ACBD7: variants seen among roughly 807,000 people sequenced by gnomAD.
ACBD7 encodes the protein acyl-CoA binding domain containing 7.
Under a neutral mutation model 13.7 loss-of-function variants are expected in ACBD7, and 11 were observed. That is an observed-to-expected ratio of 0.80 (90% CI 0.50 to 1.33). The LOEUF is 1.33. ACBD7 is among the 40% of genes most tolerant of loss of function. The probability of loss-of-function intolerance (pLI) is 0.00; values close to 1 mark genes in which losing one functional copy is unlikely to be tolerated. For synonymous variants in ACBD7, 43 were observed against 37.7 expected (o/e 1.14, Z -0.51); for missense variants, 111 against 103.0 (o/e 1.08, Z -0.33).
chr10:15,076,833 T>A lies in ACBD7; in HGVS notation c.*1697A>T. On this transcript the variant is annotated 3_prime_UTR_variant, in exon 4 of 4. Coordinates refer to ENST00000356189, the MANE Select transcript of ACBD7 (RefSeq NM_001039844.3). ...ATTGATTCTTAATAACCTGTTTTTA[T>A]TTCACCAGTAACATTAACTTATTGT... The A allele has an allele frequency of 1.0e-6, 1 of 985,388 alleles. No individual in the cohort carries two copies. The highest frequency in any genetic ancestry group is 1.2e-6 in the Non-Finnish European group (1 of 829,938). The allele number at this position is 985,388 out of a possible 1,614,324, so 61.0% of individuals were successfully genotyped here.
intron 1 of ACBD7, among the ~76,000 whole-genome samples, chr10:15,083,550 C>G (rs797003981): frequency 2.0e-5 from 3 of 152,190 alleles, no homozygotes; most frequent in Non-Finnish European, 4.4e-5. Context: ...GGCACAATCA[C>G]GGCTCACTGC....
intron 1 of ACBD7, among the ~76,000 whole-genome samples, chr10:15,079,483 C>G (rs1844724450): frequency 6.6e-6 from 1 of 151,806 alleles, no homozygotes; most frequent in African/African-American, 2.4e-5. Context: ...TCATGTTGGC[C>G]AGGCTTGTCT....
chr10:15,082,008 C>T (rs1295811150), intron 1 of ACBD7, among the ~76,000 whole-genome samples: 1 of 152,172 alleles, frequency 6.6e-6, no homozygotes, highest in Admixed American at 6.5e-5. Context: ...TGTGACCAGG[C>T]TGGGCGCAGT....
At chr10:15,080,717 G>A (rs1589260219) in intron 1 of ACBD7, among the ~76,000 whole-genome samples, 1 of 152,172 alleles carries the variant, frequency 6.6e-6, no homozygotes, top group Non-Finnish European at 1.5e-5. Flanking sequence ...AATAGACAAG[G>A]AAGTCCAGTC....
At chr10:15,088,435 G>T (rs1844833809) in intron 1 of ACBD7, 1 of 507,162 alleles carries the variant, frequency 2.0e-6, no homozygotes, top group African/African-American at 2.0e-5. Context: ...CTCGGAGACG[G>T]AGAGGAGGAG....
At chr10:15,079,101 A>G (rs2131392779) in intron 1 of ACBD7, 61 bp from the exon 2 acceptor site, 4 of 1,090,608 alleles carry the variant, frequency 3.7e-6, no homozygotes, top group Non-Finnish European at 5.4e-6. Flanking sequence ...ATAGGAACTC[A>G]AAGAGCAGGA....
At position 15,077,184 on chromosome 10, in the gene ACBD7, C is replaced by T. The variant is rs1844691761; in HGVS notation, c.*1346G>A. Among the ~76,000 whole-genome samples, 1 of 152,110 alleles carries T rather than the reference C, an allele frequency of 6.6e-6. No homozygotes were observed. Among genetic ancestry groups the T allele is most frequent in the Non-Finnish European group, 1.5e-5 (1 of 68,020 alleles). ...ACAAGAGCAAAGATATGGAATCAAC[C>T]TAAGTATCCATCAGCAGATGATGGG... On this transcript the variant is annotated 3_prime_UTR_variant, in exon 4 of 4. Coordinates refer to ENST00000356189, the MANE Select transcript of ACBD7 (RefSeq NM_001039844.3).
At chr10:15,081,473 C>T (rs368768803) in intron 1 of ACBD7, among the ~76,000 whole-genome samples, 1 of 152,162 alleles carries the variant, frequency 6.6e-6, no homozygotes, top group African/African-American at 2.4e-5. Flanking sequence ...GATCTCAGCC[C>T]TTAGTTATAT....
At position 15,076,257 on chromosome 10, in the gene ACBD7, G is replaced by T. The variant is rs60610918; in HGVS notation, c.*2273C>A. 5.0e-3 allele frequency: 4,949 copies of T among 985,248 alleles called. 187 individuals carry two copies. The African/African-American group carries it at 0.079, about 16-fold the overall frequency. 61.0% of individuals were successfully genotyped at this position (985,248 alleles called of 1,614,324 possible). On this transcript the variant is annotated 3_prime_UTR_variant, in exon 4 of 4. Transcript: ENST00000356189. ...TTTTTTGAATTGTTAACATGAGACT[G>T]TCTTCTTTCAAAGAGCCTGTGTACC...
intron 1 of ACBD7, among the ~76,000 whole-genome samples, chr10:15,081,707 G>C (rs1297833441): frequency 6.6e-6 from 1 of 152,184 alleles, no homozygotes; most frequent in Non-Finnish European, 1.5e-5. Context: ...CGGGCTCTCA[G>C]CTTGGTCCAC....
At chr10:15,087,780 A>T (rs911357496) in intron 1 of ACBD7, among the ~76,000 whole-genome samples, 23 of 149,964 alleles carry the variant, frequency 1.5e-4, no homozygotes, top group Non-Finnish European at 7.4e-5. Context: ...TCCATCTCAA[A>T]CAGCCTGGGT....
In ACBD7 at chr10:15,076,949, AGATGTGGAGAAAAGG is replaced by A. The variant is rs1293535141; in HGVS notation, c.*1566_*1580del. ...ACTTTCTAAAAAGTCAAAAAACAAC[AGATGTGGAGAAAAGG>A]GAATGCTTATACACTATTGGTGGGA... On this transcript the variant is annotated 3_prime_UTR_variant, in exon 4 of 4. Coordinates refer to ENST00000356189, the MANE Select transcript of ACBD7 (RefSeq NM_001039844.3). 1.0e-5 allele frequency: 10 copies of A among 983,746 alleles called. No homozygotes were observed. In the African/African-American group the frequency reaches 1.6e-4, roughly 15 times the overall value. 60.9% of individuals were successfully genotyped at this position (983,746 alleles called of 1,614,324 possible).
chr10:15,087,795 G>A (rs1162481079), intron 1 of ACBD7, among the ~76,000 whole-genome samples: 5 of 145,346 alleles, frequency 3.4e-5, no homozygotes, highest in African/African-American at 5.1e-5. Context: ...CTGGGTGACA[G>A]AATGAGACTC....
chr10:15,085,135 T>A (rs1203811511), intron 1 of ACBD7, among the ~76,000 whole-genome samples: 1 of 152,168 alleles, frequency 6.6e-6, no homozygotes, highest in Non-Finnish European at 1.5e-5. Flanking sequence ...GGCATCCTGG[T>A]TGAATGTTTT....
chr10:15,088,516 G>A, intron 1 of ACBD7: 2 of 705,004 alleles, frequency 2.8e-6, no homozygotes, highest in Non-Finnish European at 4.3e-6. Context: ...GGGTCCGGAA[G>A]GGTTGCCCTG....
intron 1 of ACBD7, among the ~76,000 whole-genome samples, chr10:15,087,971 C>A (rs1301475819): frequency 6.6e-6 from 1 of 151,968 alleles, no homozygotes; most frequent in Non-Finnish European, 1.5e-5. Flanking sequence ...ACCAACTGCG[C>A]CTCAACCTGG....
intron 1 of ACBD7, among the ~76,000 whole-genome samples, chr10:15,085,987 T>C (rs1201114954): frequency 6.6e-6 from 1 of 152,182 alleles, no homozygotes; most frequent in African/African-American, 2.4e-5. Flanking sequence ...TTTCAATATG[T>C]CAGCCAGTTA....
intron 1 of ACBD7, among the ~76,000 whole-genome samples, chr10:15,084,685 A>AAGTT (rs1259168854): frequency 6.6e-6 from 1 of 152,206 alleles, no homozygotes; most frequent in Admixed American, 6.5e-5. Flanking sequence ...TCAGAGGCTG[A>AAGTT]AGTTACAAAG....
In ACBD7 at chr10:15,083,762, C is replaced by A. The variant is rs922412463; in HGVS notation, c.13-4722G>T. On this transcript the variant is annotated intron_variant, in intron 1 of 3. Transcript: ENST00000356189. Reference sequence around the variant, plus strand: ...CTTCCCAAAGTGCTGGGATTACAGGCGTGAGCCACGATGCCCGGCCAAGAA... The same window carrying A: ...CTTCCCAAAGTGCTGGGATTACAGGAGTGAGCCACGATGCCCGGCCAAGAA... Among the ~76,000 whole-genome samples, 9 of 152,218 alleles carry A rather than the reference C, an allele frequency of 5.9e-5. No homozygotes were observed. The East Asian group carries it at 1.2e-3, about 20-fold the overall frequency.
Sources: gnomAD v4.1 joint callset for allele counts (sites outside exome capture counted in the v4.1 genomes callset) on GRCh38, gnomAD v4.1.1 for gene constraint, MANE v1.5 for transcripts, NCBI Gene and HGNC (gene_info 2026-07-23, HGNC 2026-07-21) for gene names.